HCFC1: variants seen among roughly 807,000 people sequenced by gnomAD.
HCFC1 encodes host cell factor 1.
HCFC1 carries 7 observed loss-of-function variants against 105.5 expected under a neutral mutation model. The ratio of observed to expected loss-of-function variants is 0.07; its 90% confidence interval spans 0.04 to 0.12. The LOEUF is 0.12. HCFC1 is among the 10% of genes least tolerant of loss of function. The pLI is 1.00. For synonymous variants in HCFC1, 918 were observed against 828.1 expected (o/e 1.11, Z -1.86); for missense variants, 1,065 against 1,823.6 (o/e 0.58, Z 7.58).
In HCFC1 at chrX:153,963,211, AC is replaced by A; in HGVS notation, c.712+13del. The A allele has an allele frequency of 8.4e-7, 1 of 1,186,218 alleles. No individual in the cohort carries two copies. ...TTTGTCCCATGGCTGCTGGGGTGCT[AC>A]CACCCTGCTCACCAATATCTAGGGT... On this transcript the variant is annotated intron_variant, in intron 4 of 25. Transcript: ENST00000310441.
chrX:153,953,993 G>A (rs1052209250), intron 17 of HCFC1, 73 bp downstream of exon 17: 37 of 1,091,222 alleles, frequency 3.4e-5, no homozygotes, highest in Admixed American at 1.2e-4. Flanking sequence ...ACGGACCCCC[G>A]CCATCGTTGT....
chrX:153,966,959 C>T (rs1248538154), intron 1 of HCFC1, among the ~76,000 whole-genome samples: 1 of 112,132 alleles, frequency 8.9e-6, no homozygotes, highest in Non-Finnish European at 1.9e-5. Context: ...TTGGGGATCC[C>T]GCTCACCAGA....
rs782623831 is a variant in HCFC1 at position 153,954,835 on chromosome X, C to T, written c.3564G>A (p.Ser1188=). ...MTVMATGAPC[S]AGPLLGPSMA... ...TGCTCGGCCCAAGGAGTGGGCCGGCCGAGCACGGGGCCCCGGTGGCCATCA... is the reference window on the plus strand; with the variant it reads ...TGCTCGGCCCAAGGAGTGGGCCGGCTGAGCACGGGGCCCCGGTGGCCATCA... The change falls in exon 17 of 26, where the codon TCG becomes TCA. Residue 1188 remains serine, a synonymous_variant. Transcript: ENST00000310441. 1.8e-5 allele frequency: 21 copies of T among 1,150,420 alleles called. No homozygotes were observed. Among genetic ancestry groups the T allele is most frequent in the Middle Eastern group, 2.9e-4 (1 of 3,465 alleles). The allele number at this position is 1,150,420 out of a possible 1,213,427, so 94.8% of individuals were successfully genotyped here. A position where few individuals can be genotyped will look rare whatever the true frequency, so the allele number is the denominator to read the frequency against.
Position 153,957,295 on chromosome X carries a change from T to C in HCFC1, c.2353+19A>G, listed in dbSNP as rs894553635. ...CAGTGAGGACTTGCAGACACTCATA[T>C]GTCGGGGGAGGCCCCTACCCGTGGC... is the stretch of plus-strand genomic sequence containing the variant. On this transcript the variant is annotated intron_variant, in intron 13 of 25. Transcript: ENST00000310441. 1 of 1,163,703 alleles carries C rather than the reference T, an allele frequency of 8.6e-7. No homozygotes were observed. The highest frequency in any genetic ancestry group is 1.8e-5 in the African/African-American group (1 of 57,032).
At chrX:153,962,445 G>T in intron 4 of HCFC1, 139 bp from the exon 5 acceptor site, 1 of 466,544 alleles carries the variant, frequency 2.1e-6, no homozygotes, top group Non-Finnish European at 3.8e-6. Flanking sequence ...CCTACGGCAG[G>T]CCCTCTGACT....
chrX:153,960,630 G>A (rs1557116596), intron 6 of HCFC1, among the ~76,000 whole-genome samples: 1 of 112,545 alleles, frequency 8.9e-6, no homozygotes, highest in African/African-American at 3.2e-5. Flanking sequence ...AGAAAACCAT[G>A]AGAAACACAG....
rs2071134 is a variant in HCFC1 at position 153,957,384 on chromosome X, G to C, written c.2283C>G (p.Thr761=). The C allele has an allele frequency of 0.19, 225,969 of 1,205,875 alleles. 23,120 individuals are homozygous for C. Among genetic ancestry groups the C allele is most frequent in the East Asian group, 0.74 (24,894 of 33,508 alleles). ...LGISSVSPST[T]KPGTTTIIKT... is the part of the protein sequence containing the mutation. The stretch of plus-strand genomic sequence containing the variant: ...TGATGATGGTGGTCGTGCCGGGCTT[G>C]GTGGTACTGGGGGAGACGCTGCTGA... Residue 761 remains threonine (T), a synonymous_variant, in exon 13 of 26, where the codon ACC becomes ACG. Coordinates refer to ENST00000310441, the MANE Select transcript of HCFC1 (RefSeq NM_005334.3).
chrX:153,960,322 G>C lies in HCFC1; in HGVS notation c.997C>G (p.Arg333Gly). 1 of 1,200,095 alleles carries C rather than the reference G, an allele frequency of 8.3e-7. No individual in the cohort carries two copies. Among genetic ancestry groups the C allele is most frequent in the Non-Finnish European group, 1.1e-6 (1 of 888,397 alleles). Residue 333 changes from arginine (R) to glycine (G), a missense_variant, in exon 7 of 26, where the codon CGC (arginine) becomes GGC (glycine). Coordinates refer to ENST00000310441, the MANE Select transcript of HCFC1 (RefSeq NM_005334.3). ...AGHCAVAINT[R>G]LYIWSGRDGY... The stretch of plus-strand genomic sequence containing the variant: ...TCACGCCCACTCCAAATGTACAGGC[G>C]GGTGTTGATGGCGACTGCGCAGTGG...
intron 14 of HCFC1, 41 bp downstream of exon 14, chrX:153,956,877 C>CACT: frequency 8.3e-7 from 1 of 1,208,381 alleles, no homozygotes. Flanking sequence ...GGGTGGACTG[C>CACT]ACTAGGACAC....
In HCFC1 at chrX:153,958,780, G is replaced by A. The variant is rs1557115912; in HGVS notation, c.1606-14C>T. On this transcript the variant is annotated splice_polypyrimidine_tract_variant and intron_variant, in intron 9 of 25. Coordinates refer to ENST00000310441, the MANE Select transcript of HCFC1 (RefSeq NM_005334.3). ...ACTGCCAATCACCTGCAGCAGGCAC[G>A]GGCATGTGAGGCCAGGTCACAGGTG... 5 of 1,130,645 alleles carry A rather than the reference G, an allele frequency of 4.4e-6. No individual in the cohort carries two copies. The highest frequency in any genetic ancestry group is 3.6e-5 in the African/African-American group (2 of 55,581). The allele number at this position is 1,130,645 out of a possible 1,213,427, so 93.2% of individuals were successfully genotyped here. A position where few individuals can be genotyped will look rare whatever the true frequency, so the allele number is the denominator to read the frequency against.
Position 153,954,154 on chromosome X carries a change from C to T in HCFC1, c.4245G>A (p.Arg1415=), listed in dbSNP as rs782660801. The change falls in exon 17 of 26, where the codon AGG becomes AGA. Residue 1415 remains arginine, a synonymous_variant. Coordinates refer to ENST00000310441, the MANE Select transcript of HCFC1 (RefSeq NM_005334.3). The stretch of plus-strand genomic sequence containing the variant: ...TCTCACAGGGGGGGTTGGAGCACAC[C>T]CTCTGTGTTGGGAAAGGAGCCAGCA... ...TALLAPFPTQ[R]VCSNPPCETH... The T allele has an allele frequency of 5.9e-5, 71 of 1,203,431 alleles. No homozygotes were observed. In the Admixed American group the frequency reaches 9.1e-4, roughly 15 times the overall value.
chrX:153,956,414 G>A lies in HCFC1; in HGVS notation c.2636-3C>T. ...CACTGTGCCTAGGGTCGTGACACCT[G>A]AAGGAAAGGAGGCAAGAGTTGGGCC... On this transcript the variant is annotated splice_region_variant and splice_polypyrimidine_tract_variant and intron_variant, in intron 15 of 25. Coordinates refer to ENST00000310441, the MANE Select transcript of HCFC1 (RefSeq NM_005334.3). 8.3e-7 allele frequency: 1 copy of A among 1,205,692 alleles called. No homozygotes were observed. Among genetic ancestry groups the A allele is most frequent in the Non-Finnish European group, 1.1e-6 (1 of 890,601 alleles).
rs1258854045 is a variant in HCFC1, at chrX:153,971,727, T to TA, written c.-888dup. ...TCCCACAGGAGCCGCTTCAAAGAGC[T>TA]AGAGTTAGGCCCCGAAGCGGCAACT... is the stretch of plus-strand genomic sequence containing the variant. On this transcript the variant is annotated 5_prime_UTR_variant, in exon 1 of 26. Transcript: ENST00000310441. The TA allele has an allele frequency of 3.4e-6, 1 of 296,736 alleles. No homozygotes were observed. Among genetic ancestry groups the TA allele is most frequent in the African/African-American group, 2.7e-5 (1 of 36,743 alleles). 24.5% of individuals were successfully genotyped at this position (296,736 alleles called of 1,213,427 possible).
chrX:153,963,465 C>T (rs369199832), intron 3 of HCFC1, 32 bp from the exon 4 acceptor site: 9 of 1,050,963 alleles, frequency 8.6e-6, no homozygotes, highest in African/African-American at 5.5e-5. Context: ...CGGCAAGTCT[C>T]GACTCCTCAC....
rs375698764 is a variant in HCFC1 at position 153,959,315 on chromosome X, A to C, written c.1605+16T>G. On this transcript the variant is annotated intron_variant, in intron 9 of 25. Coordinates refer to ENST00000310441, the MANE Select transcript of HCFC1 (RefSeq NM_005334.3). ...ATCAACAGGAAATCCCACCCGCCCC[A>C]GTGACCACTCCTCACCGTTCCCTGG... The C allele has an allele frequency of 1.3e-5, 16 of 1,186,867 alleles. No individual in the cohort carries two copies. The African/African-American group carries it at 2.8e-4, about 21-fold the overall frequency.
rs1323542536 is a variant in HCFC1 at position 153,948,517 on chromosome X, AAAGAG to A, written c.*825_*829del. On this transcript the variant is annotated 3_prime_UTR_variant, in exon 26 of 26. Coordinates refer to ENST00000310441, the MANE Select transcript of HCFC1 (RefSeq NM_005334.3). ...AAAACAAAACAAAACAAAACAAAAA[AAAGAG>A]AAAAGAAAAAAGATTACACATTCTG... The A allele has an allele frequency of 1.1e-4, 12 of 113,176 alleles. No homozygotes were observed. The highest frequency in any genetic ancestry group is 3.9e-4 in the African/African-American group (12 of 31,113). 9.3% of individuals were successfully genotyped at this position (113,176 alleles called of 1,213,427 possible). A position where few individuals can be genotyped will look rare whatever the true frequency, so the allele number is the denominator to read the frequency against.
In HCFC1 at chrX:153,957,372, C is replaced by T. The variant is rs782569084; in HGVS notation, c.2295G>A (p.Thr765=). ...SVSPSTTKPG[T]TTIIKTIPMS... ...TGGGGATGGTTTTGATGATGGTGGT[C>T]GTGCCGGGCTTGGTGGTACTGGGGG... Residue 765 remains threonine (T), a synonymous_variant, in exon 13 of 26, where the codon ACG becomes ACA. Coordinates refer to ENST00000310441, the MANE Select transcript of HCFC1 (RefSeq NM_005334.3). The T allele has an allele frequency of 2.2e-5, 26 of 1,207,740 alleles. No individual in the cohort carries two copies. Among genetic ancestry groups the T allele is most frequent in the Non-Finnish European group, 2.7e-5 (24 of 892,912 alleles).
chrX:153,959,764 G>A (rs2148587874), intron 8 of HCFC1, 38 bp downstream of exon 8: 1 of 1,146,882 alleles, frequency 8.7e-7, no homozygotes, highest in East Asian at 3.0e-5. Flanking sequence ...CCGGAGGCTA[G>A]CCCCCTACTT....
Position 153,952,642 on chromosome X carries a change from G to A in HCFC1, c.4814C>T (p.Thr1605Met), listed in dbSNP as rs1405940157. The A allele has an allele frequency of 8.3e-7, 1 of 1,211,328 alleles. No homozygotes were observed. Among genetic ancestry groups the A allele is most frequent in the Non-Finnish European group, 1.1e-6 (1 of 895,271 alleles). ...TGCCAGCTCCTCGGGGGTGAGCCCC[G>A]TTACCATGAGGGTGGTGGTGCCAGC... ...AQAGTTTLMV[T>M]GLTPEELAVT... The change falls in exon 19 of 26, where the codon ACG becomes ATG. Residue 1605 changes from threonine to methionine, a missense_variant. Coordinates refer to ENST00000310441, the MANE Select transcript of HCFC1 (RefSeq NM_005334.3).
Sources: allele counts gnomAD v4.1 joint callset (sites outside exome capture counted in the v4.1 genomes callset), GRCh38; gene constraint gnomAD v4.1.1; transcripts MANE v1.5; gene names NCBI Gene and HGNC (gene_info 2026-07-23, HGNC 2026-07-21).